Variants in KAT14 observed in about 807,000 individuals in gnomAD.
KAT14 encodes lysine acetyltransferase 14.
Under a neutral mutation model 78.4 loss-of-function variants are expected in KAT14, and 66 were observed. That is an observed-to-expected ratio of 0.84 (90% CI 0.69 to 1.03). KAT14 has a LOEUF of 1.03. KAT14 is among the 50% of genes least tolerant of loss of function. KAT14 has a pLI of 0.00. For missense variants in KAT14, 870 were observed against 972.5 expected, an observed-to-expected ratio of 0.89 and a Z score of 1.40; for synonymous variants, 344 against 359.4, an observed-to-expected ratio of 0.96 and a Z score of 0.48.
At chr20:18,146,554 G>A (rs2037833233) in intron 3 of KAT14, among the ~76,000 whole-genome samples, 3 of 152,212 alleles carry the variant, frequency 2.0e-5, no homozygotes, top group African/African-American at 7.2e-5. Flanking sequence ...AGCTACTTGG[G>A]AGGCTGAGGC....
At chr20:18,163,077 C>A in intron 7 of KAT14, 132 bp downstream of exon 7, 1 of 1,230,368 alleles carries the variant, frequency 8.1e-7, no homozygotes, top group Non-Finnish European at 1.1e-6. Context: ...AAGTAAAGTG[C>A]AAGGGAAAAA....
intron 7 of KAT14, among the ~76,000 whole-genome samples, chr20:18,166,870 C>T (rs2038659816): frequency 1.3e-5 from 2 of 152,254 alleles, no homozygotes; most frequent in Non-Finnish European, 2.9e-5. Flanking sequence ...CCATACACAG[C>T]CACATTGTCT....
rs1384458646 is a variant in KAT14 at position 18,162,531 on chromosome 20, A to T, written c.1254A>T (p.Glu418Asp). The T allele has an allele frequency of 1.9e-6, 3 of 1,614,172 alleles. No homozygotes were observed. Among genetic ancestry groups the T allele is most frequent in the South Asian group, 1.1e-5 (1 of 91,080 alleles). Residue 418 changes from glutamate (E) to aspartate (D), a missense_variant, in exon 7 of 11, where the codon GAA becomes GAT. Physicochemically the swap from Glu to Asp is conservative, Grantham distance 45. Coordinates refer to ENST00000688188, the MANE Select transcript of KAT14 (RefSeq NM_001392073.1). Reference sequence around the variant, plus strand: ...AGCAGGAGGTAGAGAGTGAGGAGGAAAAACCCGACAGGATGGATATTGACA... The same window carrying T: ...AGCAGGAGGTAGAGAGTGAGGAGGATAAACCCGACAGGATGGATATTGACA... ...QIKQEVESEE[E>D]KPDRMDIDSE...
chr20:18,142,945 T>C (rs1426634897), intron 2 of KAT14, 26 bp downstream of exon 2: 4 of 1,607,796 alleles, frequency 2.5e-6, no homozygotes, highest in Non-Finnish European at 2.6e-6. Context: ...ATTCCTTTGA[T>C]TTGTCAATTC....
chr20:18,140,156 T>A (rs1250623300), intron 1 of KAT14, among the ~76,000 whole-genome samples: 1 of 151,814 alleles, frequency 6.6e-6, no homozygotes, highest in African/African-American at 2.4e-5. Flanking sequence ...GTGGAAGGAA[T>A]GATTCTGGTG....
intron 7 of KAT14, among the ~76,000 whole-genome samples, chr20:18,170,434 T>G (rs1205570932): frequency 1.3e-5 from 2 of 152,374 alleles, no homozygotes; most frequent in East Asian, 3.9e-4. Context: ...CTGGCTGTGC[T>G]CTATAAATAT....
intron 7 of KAT14, among the ~76,000 whole-genome samples, chr20:18,163,521 C>G (rs999369371): frequency 6.6e-6 from 1 of 152,264 alleles, no homozygotes; most frequent in African/African-American, 2.4e-5. Context: ...TTTGCTAGCA[C>G]TTGACACTAA....
At chr20:18,157,186 A>C (rs2038256119) in intron 4 of KAT14, among the ~76,000 whole-genome samples, 1 of 152,120 alleles carries the variant, frequency 6.6e-6, no homozygotes, top group Non-Finnish European at 1.5e-5. Context: ...ATTGGTTTTT[A>C]AAATCTTTTG....
rs146977494 is a variant in KAT14, at chr20:18,184,892, A to G, written c.2172+100A>G. 2.1e-4 allele frequency: 269 copies of G among 1,283,150 alleles called. No individual in the cohort carries two copies. The East Asian group carries it at 2.5e-3, about 12-fold the overall frequency. 79.5% of individuals were successfully genotyped at this position (1,283,150 alleles called of 1,614,324 possible). ...AGCTAGCCCTTCCCAGCATGGCCCA[A>G]TGGAATGGTTTCCTTGTAAACCAAG... is the stretch of plus-strand genomic sequence containing the variant. On this transcript the variant is annotated intron_variant, in intron 10 of 10. Coordinates refer to ENST00000688188, the MANE Select transcript of KAT14 (RefSeq NM_001392073.1).
chr20:18,161,289 T>C (rs2038411618), intron 5 of KAT14, among the ~76,000 whole-genome samples: 1 of 151,934 alleles, frequency 6.6e-6, no homozygotes, highest in Admixed American at 6.6e-5. Flanking sequence ...CCTCCCAGGC[T>C]CAAAATCCAC....
intron 7 of KAT14, among the ~76,000 whole-genome samples, chr20:18,171,397 G>C (rs892980465): frequency 1.3e-5 from 2 of 152,244 alleles, no homozygotes; most frequent in Admixed American, 1.3e-4. Context: ...AAGATGCTAT[G>C]AACATTGTTG....
chr20:18,179,797 C>A (rs1334930453), intron 7 of KAT14, among the ~76,000 whole-genome samples: 2 of 152,192 alleles, frequency 1.3e-5, no homozygotes, highest in Non-Finnish European at 2.9e-5. Flanking sequence ...TGTCAGGCTG[C>A]AACTTTTCTG....
At chr20:18,157,897 A>T (rs920295297) in intron 4 of KAT14, among the ~76,000 whole-genome samples, 5 of 152,228 alleles carry the variant, frequency 3.3e-5, no homozygotes, top group Non-Finnish European at 7.3e-5. Flanking sequence ...TAGGAGAGGT[A>T]CTTTGGAACC....
chr20:18,158,380 T>G lies in KAT14; in HGVS notation c.501-704T>G, dbSNP rs140813426. ...CTTCCAACTGTTAGACTGGTCTTCT[T>G]GTGAAAGACTGTCTTCTAGGATTTC... On this transcript the variant is annotated intron_variant, in intron 4 of 10. Coordinates refer to ENST00000688188, the MANE Select transcript of KAT14 (RefSeq NM_001392073.1). 1.2e-4 allele frequency among the ~76,000 whole-genome samples: 19 copies of G among 152,382 alleles called. No individual in the cohort carries two copies. In the East Asian group the frequency reaches 3.7e-3, roughly 29 times the overall value.
At chr20:18,175,231 A>G (rs543311311) in intron 7 of KAT14, among the ~76,000 whole-genome samples, 5 of 151,986 alleles carry the variant, frequency 3.3e-5, no homozygotes, top group Non-Finnish European at 5.9e-5. Flanking sequence ...GCTGCTTTTA[A>G]TCTCCCTCTG....
chr20:18,166,222 T>G (rs2038635684), intron 7 of KAT14, among the ~76,000 whole-genome samples: 1 of 152,336 alleles, frequency 6.6e-6, no homozygotes, highest in African/African-American at 2.4e-5. Flanking sequence ...TATTTATCCC[T>G]TACGCACTTG....
intron 7 of KAT14, among the ~76,000 whole-genome samples, chr20:18,174,276 A>G (rs2038956090): frequency 1.3e-5 from 2 of 152,242 alleles, no homozygotes; most frequent in African/African-American, 4.8e-5. Flanking sequence ...TGCTTTGAAC[A>G]TATGTATACA....
intron 1 of KAT14, among the ~76,000 whole-genome samples, chr20:18,139,235 C>G (rs2037426678): frequency 6.6e-6 from 1 of 152,092 alleles, no homozygotes. Flanking sequence ...AAAATGTGCT[C>G]CTAAGGGGCT....
chr20:18,169,817 T>C (rs572350255), intron 7 of KAT14, among the ~76,000 whole-genome samples: 1 of 152,280 alleles, frequency 6.6e-6, no homozygotes, highest in Admixed American at 6.5e-5. Flanking sequence ...TTAGCCAAGG[T>C]GTGAATGCAA....
Sources: allele counts gnomAD v4.1 joint callset (sites outside exome capture counted in the v4.1 genomes callset), GRCh38; gene constraint gnomAD v4.1.1; transcripts MANE v1.5; gene names NCBI Gene and HGNC (gene_info 2026-07-23, HGNC 2026-07-21).